DGCR8: variants seen among roughly 807,000 people sequenced by gnomAD.
DGCR8 encodes microprocessor complex subunit DGCR8.
A neutral mutation model predicts 78.5 loss-of-function variants in DGCR8; 14 were observed. That is an observed-to-expected ratio of 0.18 (90% CI 0.12 to 0.28). The LOEUF is 0.28. Among genes scored for constraint, DGCR8 ranks in the 10% least tolerant of loss-of-function variants. The probability of loss-of-function intolerance (pLI) is 1.00; values close to 1 mark genes in which losing one functional copy is unlikely to be tolerated. For synonymous variants in DGCR8, 399 were observed against 402.4 expected (o/e 0.99, Z 0.10); for missense variants, 702 against 1,022.5 (o/e 0.69, Z 4.28).
In DGCR8 at chr22:20,089,534, G is replaced by T; in HGVS notation, c.881-135G>T. The T allele has an allele frequency of 1.0e-6, 1 of 963,614 alleles. No individual in the cohort carries two copies. 59.7% of individuals were successfully genotyped at this position (963,614 alleles called of 1,614,324 possible). ...GAGGCATAGCAGTGAGCAAGGCAGA[G>T]AGGAATTTCGATTATCTGTGAAGAC... On this transcript the variant is annotated intron_variant, in intron 3 of 13. Coordinates refer to ENST00000351989, the MANE Select transcript of DGCR8 (RefSeq NM_022720.7). This position sits in a 1 kb window ranked among gnomAD's most constrained non-coding sequence, Gnocchi z 4.9.
chr22:20,100,363 C>G (rs1357557945), intron 9 of DGCR8: 1 of 985,306 alleles, frequency 1.0e-6, no homozygotes, highest in Non-Finnish European at 1.2e-6. Context: ...CTGCACCTGG[C>G]CACATTTGAT....
rs2049466074 is a variant in DGCR8 at position 20,085,161 on chromosome 22, G to A, written c.-277-526G>A. On this transcript the variant is annotated intron_variant, in intron 1 of 13. Transcript: ENST00000351989. This position sits in a 1 kb window ranked among gnomAD's most constrained non-coding sequence, Gnocchi z 6.2. ...CGTGCTACCCTGTGGGCCCAGGAGA[G>A]CCCTGGGGTCCCTGGGTAGCAGAGC... is the stretch of plus-strand genomic sequence containing the variant. 1 of 528,374 alleles carries A rather than the reference G, an allele frequency of 1.9e-6. No individual in the cohort carries two copies. The highest frequency in any genetic ancestry group is 2.1e-5 in the African/African-American group (1 of 48,552). 32.7% of individuals were successfully genotyped at this position (528,374 alleles called of 1,614,324 possible).
At chr22:20,096,576 A>C in intron 9 of DGCR8, 1 of 641,576 alleles carries the variant, frequency 1.6e-6, no homozygotes, top group African/African-American at 2.0e-5. Context: ...ATATAAGTGG[A>C]TTTTTATATA....
chr22:20,101,899 G>A (rs2049706632), intron 9 of DGCR8: 3 of 985,222 alleles, frequency 3.0e-6, no homozygotes, highest in Non-Finnish European at 3.6e-6. Flanking sequence ...AGGAGGGGCG[G>A]GTTGATGCCT....
chr22:20,100,226 C>G (rs2147932904), intron 9 of DGCR8: 1 of 442,354 alleles, frequency 2.3e-6, no homozygotes. Context: ...GCCACCACGC[C>G]CGGCTAATTT....
chr22:20,091,308 C>T (rs2049556557), intron 5 of DGCR8, 127 bp from the exon 6 acceptor site: 2 of 899,878 alleles, frequency 2.2e-6, no homozygotes, highest in Admixed American at 2.2e-5. Flanking sequence ...GCTTCCCTCC[C>T]CTTTGAAAGG....
At chr22:20,104,365 C>T (rs1444317498) in intron 9 of DGCR8, among the ~76,000 whole-genome samples, 1 of 151,912 alleles carries the variant, frequency 6.6e-6, no homozygotes, top group Non-Finnish European at 1.5e-5. Context: ...GACGGGGTTT[C>T]ACCTTGTTAG....
At position 20,110,849 on chromosome 22, in the gene DGCR8, C is replaced by T. The variant is rs966760955; in HGVS notation, c.*741C>T. The T allele has an allele frequency of 1.8e-5, 4 of 224,336 alleles. No homozygotes were observed. Among genetic ancestry groups the T allele is most frequent in the African/African-American group, 9.1e-5 (4 of 44,150 alleles). The allele number at this position is 224,336 out of a possible 1,614,324, so 13.9% of individuals were successfully genotyped here. A position where few individuals can be genotyped will look rare whatever the true frequency, so the allele number is the denominator to read the frequency against. ...TGAAGTCTTAATTCCCTAAAAGCGC[C>T]TCTTTGGACACTGAGGCCCTCTCTG... On this transcript the variant is annotated 3_prime_UTR_variant, in exon 14 of 14. Coordinates refer to ENST00000351989, the MANE Select transcript of DGCR8 (RefSeq NM_022720.7).
At chr22:20,102,603 G>A (rs1344683095) in intron 9 of DGCR8, among the ~76,000 whole-genome samples, 1 of 152,160 alleles carries the variant, frequency 6.6e-6, no homozygotes, top group Non-Finnish European at 1.5e-5. Flanking sequence ...GCTTATGTTA[G>A]CATTGCCCTC....
In DGCR8 at chr22:20,085,962, A is replaced by G. The variant is rs1219727720; in HGVS notation, c.-2A>G. 8 of 1,561,414 alleles carry G rather than the reference A, an allele frequency of 5.1e-6. No homozygotes were observed. Among genetic ancestry groups the G allele is most frequent in the Non-Finnish European group, 6.9e-6 (8 of 1,156,354 alleles). ...TGTAAACTAGTCTTAAGCGCTTTTA[A>G]TATGGAGACAGATGAGAGCCCCTCT... On this transcript the variant is annotated 5_prime_UTR_variant, in exon 2 of 14. Transcript: ENST00000351989. The surrounding 1 kb of genome is among the most constrained non-coding windows in gnomAD (Gnocchi z 6.2).
intron 9 of DGCR8, chr22:20,100,587 G>GA: frequency 1.0e-6 from 1 of 985,424 alleles, no homozygotes; most frequent in Non-Finnish European, 1.2e-6. Context: ...AAATGTCCAT[G>GA]AACCACTGTG....
Position 20,086,435 on chromosome 22 carries a change from G to A in DGCR8, c.472G>A (p.Asp158Asn). Residue 158 changes from aspartate to asparagine, a missense_variant, in exon 2 of 14, where the codon GAC (aspartate) becomes AAC (asparagine). Transcript: ENST00000351989. The surrounding 1 kb of genome is among the most constrained non-coding windows in gnomAD (Gnocchi z 6.4). The part of the protein sequence containing the change: ...CGLLLSPVSG[D>N]VHACPFGGSV... ...TCTGCTCCTTAGCCCTGTCAGTGGG[G>A]ACGTGCATGCTTGTCCCTTTGGCGG... 1 of 1,614,020 alleles carries A rather than the reference G, an allele frequency of 6.2e-7. No individual in the cohort carries two copies. The highest frequency in any genetic ancestry group is 1.1e-5 in the South Asian group (1 of 91,084).
rs1003193770 is a variant in DGCR8, at chr22:20,108,722, G to A, written c.2125-168G>A. Reference sequence around the variant, plus strand: ...CTGTCAGTGGGCCTGGCATCACTGAGGCGGGCCAGTCAGCATGCAGTTATG... The same window carrying A: ...CTGTCAGTGGGCCTGGCATCACTGAAGCGGGCCAGTCAGCATGCAGTTATG... On this transcript the variant is annotated intron_variant, in intron 12 of 13. Transcript: ENST00000351989. 22 of 525,914 alleles carry A rather than the reference G, an allele frequency of 4.2e-5. No individual in the cohort carries two copies. The Admixed American group carries it at 5.1e-4, about 12-fold the overall frequency. The allele number at this position is 525,914 out of a possible 1,614,324, so 32.6% of individuals were successfully genotyped here. A position where few individuals can be genotyped will look rare whatever the true frequency, so the allele number is the denominator to read the frequency against.
At chr22:20,100,950 G>A (rs1025831745) in intron 9 of DGCR8, 6 of 579,868 alleles carry the variant, frequency 1.0e-5, no homozygotes, top group African/African-American at 6.1e-5. Context: ...ACCCCTCCTC[G>A]TGCTTGGAAA....
Position 20,090,199 on chromosome 22 carries a change from C to G in DGCR8, c.1247C>G (p.Ala416Gly), listed in dbSNP as rs1463939632. 1 of 1,613,692 alleles carries G rather than the reference C, an allele frequency of 6.2e-7. No individual in the cohort carries two copies. Among genetic ancestry groups the G allele is most frequent in the Non-Finnish European group, 8.5e-7 (1 of 1,179,908 alleles). ...DEKDPLGAEA[A>G]PGALGQVKAK... Reference sequence around the variant, plus strand: ...AAAGACCCACTAGGGGCTGAGGCAGCCCCTGGGGCCCTGGGGCAGGTGAAG... The same window carrying G: ...AAAGACCCACTAGGGGCTGAGGCAGGCCCTGGGGCCCTGGGGCAGGTGAAG... The change falls in exon 5 of 14, where the codon GCC becomes GGC. Residue 416 changes from alanine to glycine, a missense_variant. By Grantham distance (60) the Ala-to-Gly change is moderately conservative. Transcript: ENST00000351989.
In DGCR8 at chr22:20,086,716, T is replaced by C; in HGVS notation, c.720+33T>C. 1 of 1,545,648 alleles carries C rather than the reference T, an allele frequency of 6.5e-7. No individual in the cohort carries two copies. Among genetic ancestry groups the C allele is most frequent in the South Asian group, 1.2e-5 (1 of 83,580 alleles). On this transcript the variant is annotated intron_variant, in intron 2 of 13. Coordinates refer to ENST00000351989, the MANE Select transcript of DGCR8 (RefSeq NM_022720.7). The surrounding 1 kb of genome is among the most constrained non-coding windows in gnomAD (Gnocchi z 6.4). ...GGCAGCCCCTCCTCTAGAGGGCTCT[T>C]AGCAAAACCCAAAGAGAGATTTGGG... is the stretch of plus-strand genomic sequence containing the variant.
In DGCR8 at chr22:20,106,598, T is replaced by G. The variant is rs757895806; in HGVS notation, c.1896T>G (p.His632Gln). ...QILHECLKRN[H>Q]GMGDTSIKFE... ...TGTCTGTTTTCTCTTAAAGAAACCA[T>G]GGGATGGGTGACACGTCTATCAAGT... The change falls in exon 11 of 14, where the codon CAT (histidine) becomes CAG (glutamine). Residue 632 changes from histidine to glutamine, a missense_variant. His to Gln is a conservative substitution (Grantham distance 24). Coordinates refer to ENST00000351989, the MANE Select transcript of DGCR8 (RefSeq NM_022720.7). 1 of 1,612,118 alleles carries G rather than the reference T, an allele frequency of 6.2e-7. No individual in the cohort carries two copies. The highest frequency in any genetic ancestry group is 1.3e-5 in the African/African-American group (1 of 74,874).
At chr22:20,101,823 G>A in intron 9 of DGCR8, 4 of 985,336 alleles carry the variant, frequency 4.1e-6, no homozygotes, top group Non-Finnish European at 4.8e-6. Context: ...ACTGTCCCCT[G>A]GACAGCCTGG....
rs1250427290 is a variant in DGCR8, at chr22:20,090,329, A to G, written c.1306+71A>G. On this transcript the variant is annotated intron_variant, in intron 5 of 13. Coordinates refer to ENST00000351989, the MANE Select transcript of DGCR8 (RefSeq NM_022720.7). ...GAGCTTTGTTTTTCTAATGAAGGCC[A>G]TAATTGTTCATAGTTCCTAGTTGTA... The G allele has an allele frequency of 3.7e-5, 55 of 1,488,902 alleles. 1 individual carries two copies. Among genetic ancestry groups the G allele is most frequent in the South Asian group, 1.9e-4 (14 of 74,386 alleles). The allele number at this position is 1,488,902 out of a possible 1,614,324, so 92.2% of individuals were successfully genotyped here. A position where few individuals can be genotyped will look rare whatever the true frequency, so the allele number is the denominator to read the frequency against.
Sources: gnomAD v4.1 joint callset for allele counts (sites outside exome capture counted in the v4.1 genomes callset) on GRCh38, gnomAD v4.1.1 for gene constraint, Gnocchi (gnomAD v3.1) non-coding constraint, MANE v1.5 for transcripts, NCBI Gene and HGNC (gene_info 2026-07-23, HGNC 2026-07-21) for gene names.